The following SNPH variants were observed in gnomAD, a reference collection of about 807,000 sequenced individuals.
SNPH encodes the protein syntaphilin.
Under a neutral mutation model 36.8 loss-of-function variants are expected in SNPH, and 10 were observed. That is an observed-to-expected ratio of 0.27 (90% CI 0.17 to 0.46). SNPH has a LOEUF of 0.46. Among genes scored for constraint, SNPH ranks in the 20% least tolerant of loss-of-function variants. The pLI, the probability that SNPH is intolerant of heterozygous loss-of-function variation, is 1.00. For synonymous variants in SNPH, 281 were observed against 312.2 expected, an observed-to-expected ratio of 0.90 and a Z score of 1.05; for missense variants, 622 against 744.0, an observed-to-expected ratio of 0.84 and a Z score of 1.91.
At position 1,300,634 on chromosome 20, in the gene SNPH, C is replaced by T. The variant is rs752270989; in HGVS notation, c.363C>T (p.Thr121=). ...CCCCGACCCCGGAGCAGTACCTGAC[C>T]CCCCTGCAGCAGAAGGAGGTGTGCA... The part of the protein sequence containing the change: ...IKPPTPEQYL[T]PLQQKEVCIR... The change falls in exon 6 of 7, where the codon ACC becomes ACT. Residue 121 remains threonine, a synonymous_variant. Coordinates refer to ENST00000381867, the MANE Select transcript of SNPH (RefSeq NM_001318234.2). 1.1e-5 allele frequency: 18 copies of T among 1,613,444 alleles called. No individual in the cohort carries two copies. Among genetic ancestry groups the T allele is most frequent in the Admixed American group, 1.7e-5 (1 of 59,986 alleles).
chr20:1,300,462 A>G, intron 5 of SNPH, 100 bp from the exon 6 acceptor site: 1 of 1,312,902 alleles, frequency 7.6e-7, no homozygotes, highest in Non-Finnish European at 1.1e-6. Context: ...TCTGGTGGCC[A>G]GGGATGGTGA....
intron 2 of SNPH, among the ~76,000 whole-genome samples, chr20:1,278,201 AGTGTCTGTGTGT>A (rs1451822696): frequency 1.9e-5 from 2 of 106,336 alleles, no homozygotes; most frequent in Non-Finnish European, 4.1e-5. Flanking sequence ...TCTCTGTGTC[AGTGTCTGTGTGT>A]GTGTTTGTGT....
At chr20:1,297,899 C>T (rs927941420) in intron 5 of SNPH, among the ~76,000 whole-genome samples, 1 of 152,196 alleles carries the variant, frequency 6.6e-6, no homozygotes, top group Non-Finnish European at 1.5e-5. Context: ...CAGGGGAACA[C>T]TTTGAGAGTG....
chr20:1,303,983 A>T (rs1306046734), intron 6 of SNPH, among the ~76,000 whole-genome samples: 5 of 151,768 alleles, frequency 3.3e-5, no homozygotes, highest in Non-Finnish European at 5.9e-5. Context: ...CTCTGGTTTT[A>T]CCTCTAGACC....
At chr20:1,298,278 C>T (rs915012343) in intron 5 of SNPH, among the ~76,000 whole-genome samples, 2 of 152,190 alleles carry the variant, frequency 1.3e-5, no homozygotes, top group Non-Finnish European at 2.9e-5. Context: ...ACTGATACCT[C>T]CTGTTGTTAG....
rs1375991486 is a variant in SNPH, at chr20:1,276,090, T to C, written c.-493+9330T>C. Reference sequence around the variant, plus strand: ...CAGAGGATGGAGAGGACCTGACCCCTCCACACCCTCCTGTTCCCTGACTGC... The same window carrying C: ...CAGAGGATGGAGAGGACCTGACCCCCCCACACCCTCCTGTTCCCTGACTGC... On this transcript the variant is annotated intron_variant, in intron 2 of 6. Transcript: ENST00000381867. This position sits in a 1 kb window ranked among gnomAD's most constrained non-coding sequence, Gnocchi z 4.6. Among the ~76,000 whole-genome samples the C allele has an allele frequency of 6.6e-6, 1 of 152,126 alleles. No individual in the cohort carries two copies. The highest frequency in any genetic ancestry group is 6.5e-5 in the Admixed American group (1 of 15,280).
At chr20:1,270,933 A>G (rs2088065518) in intron 2 of SNPH, among the ~76,000 whole-genome samples, 1 of 152,218 alleles carries the variant, frequency 6.6e-6, no homozygotes, top group Non-Finnish European at 1.5e-5. Flanking sequence ...CCCAGGTGCC[A>G]GTTCTCCATT....
chr20:1,299,105 C>A (rs1413259865), intron 5 of SNPH, among the ~76,000 whole-genome samples: 1 of 151,998 alleles, frequency 6.6e-6, no homozygotes, highest in Non-Finnish European at 1.5e-5. Flanking sequence ...GGGGCCATGA[C>A]GTGAGTACAT....
In SNPH at chr20:1,266,912, C is replaced by T. The variant is rs556104974; in HGVS notation, c.-493+152C>T. 1.1e-3 allele frequency among the ~76,000 whole-genome samples: 164 copies of T among 152,280 alleles called. 1 individual carries two copies. The highest frequency in any genetic ancestry group is 3.8e-3 in the African/African-American group (159 of 41,564). The stretch of plus-strand genomic sequence containing the variant: ...CTCATTCTTACCCTCCCTTCATTCC[C>T]CTACATCCCTTTAAGCGCTTCCCTC... On this transcript the variant is annotated intron_variant, in intron 2 of 6. Transcript: ENST00000381867. This position sits in a 1 kb window ranked among gnomAD's most constrained non-coding sequence, Gnocchi z 6.0.
intron 2 of SNPH, among the ~76,000 whole-genome samples, chr20:1,293,582 G>A (rs2088390521): frequency 1.3e-5 from 2 of 152,150 alleles, no homozygotes; most frequent in Admixed American, 6.5e-5. Flanking sequence ...TGCACACTGA[G>A]TTTTCTGAGT....
intron 2 of SNPH, among the ~76,000 whole-genome samples, chr20:1,286,089 TAAAAA>T (rs11475556): frequency 5.0e-5 from 5 of 100,516 alleles, no homozygotes; most frequent in East Asian, 5.9e-4. Context: ...GACTCCATCT[TAAAAA>T]AAAAAAAAAA....
rs3795139 is a variant in SNPH, at chr20:1,305,289, G to C, written c.852G>C (p.Gly284=). Residue 284 remains glycine, a synonymous_variant, in exon 7 of 7, where the codon GGG becomes GGC. Coordinates refer to ENST00000381867, the MANE Select transcript of SNPH (RefSeq NM_001318234.2). ...GDPSSGSAED[G]ADSGFAAADD... ...CCTCCAGCGGCTCTGCTGAGGATGG[G>C]GCAGACAGTGGCTTTGCAGCAGCCG... 6.2e-7 allele frequency: 1 copy of C among 1,609,540 alleles called. No homozygotes were observed. The highest frequency in any genetic ancestry group is 1.1e-5 in the South Asian group (1 of 90,906).
In SNPH at chr20:1,266,664, A is replaced by T; in HGVS notation, c.-589A>T. On this transcript the variant is annotated 5_prime_UTR_variant, in exon 2 of 7. Coordinates refer to ENST00000381867, the MANE Select transcript of SNPH (RefSeq NM_001318234.2). This position sits in a 1 kb window ranked among gnomAD's most constrained non-coding sequence, Gnocchi z 6.0. ...TTCCTAACCCCGCAGGTCGCTGATCAGGGCCAGGCGGCTGCAGCAGCGACT... is the reference window on the plus strand; with the variant it reads ...TTCCTAACCCCGCAGGTCGCTGATCTGGGCCAGGCGGCTGCAGCAGCGACT... The T allele has an allele frequency of 1.3e-6, 2 of 1,487,148 alleles. No homozygotes were observed. The highest frequency in any genetic ancestry group is 1.8e-6 in the Non-Finnish European group (2 of 1,121,296). 92.1% of individuals were successfully genotyped at this position (1,487,148 alleles called of 1,614,324 possible).
At position 1,300,077 on chromosome 20, in the gene SNPH, A is replaced by C. The variant is rs538994126; in HGVS notation, c.291-485A>C. On this transcript the variant is annotated intron_variant, in intron 5 of 6. Transcript: ENST00000381867. ...TGCAGACCCAGCATCTGCCACTTACACCTCAGTTTCCAGCCTTCAAACTCA... is the reference window on the plus strand; with the variant it reads ...TGCAGACCCAGCATCTGCCACTTACCCCTCAGTTTCCAGCCTTCAAACTCA... Among the ~76,000 whole-genome samples the C allele has an allele frequency of 3.9e-5, 6 of 152,198 alleles. No homozygotes were observed. In the South Asian group the frequency reaches 1.2e-3, roughly 32 times the overall value.
chr20:1,297,090 G>A, intron 4 of SNPH, 55 bp from the exon 5 acceptor site: 1 of 1,558,774 alleles, frequency 6.4e-7, no homozygotes, highest in Non-Finnish European at 8.7e-7. Flanking sequence ...TTCGCCCAGT[G>A]TCCGCAGCTG....
rs999371757 is a variant in SNPH, at chr20:1,305,698, G to C, written c.1261G>C (p.Glu421Gln). ...AGTGGGTGATGAGCTAGAGGCCCCA[G>C]AGCCCATCACCCGTGGACCCACCCC... ...VTVGDELEAP[E>Q]PITRGPTPQR... is the part of the protein sequence containing the mutation. The change falls in exon 7 of 7, where the codon GAG becomes CAG. Residue 421 changes from glutamate (E) to glutamine (Q), a missense_variant. By Grantham distance (29) the Glu-to-Gln change is conservative. Around this residue, in one of 3 missense-constraint regions of SNPH, gnomAD observed 379 missense variants for 427.9 expected, o/e 0.89. Transcript: ENST00000381867. 6.2e-7 allele frequency: 1 copy of C among 1,610,626 alleles called. No individual in the cohort carries two copies. The highest frequency in any genetic ancestry group is 8.5e-7 in the Non-Finnish European group (1 of 1,178,454).
chr20:1,296,729 G>T (rs1027239372), intron 4 of SNPH, among the ~76,000 whole-genome samples: 10 of 152,284 alleles, frequency 6.6e-5, no homozygotes, highest in Non-Finnish European at 1.5e-4. Flanking sequence ...GACTCACTTG[G>T]TGTCCCTTGG....
chr20:1,297,087 A>AGT, intron 4 of SNPH, 58 bp from the exon 5 acceptor site: 1 of 1,552,158 alleles, frequency 6.4e-7, no homozygotes, highest in Non-Finnish European at 8.7e-7. Context: ...GTGTTCGCCC[A>AGT]GTGTCCGCAG....
In SNPH at chr20:1,304,809, T is replaced by G; in HGVS notation, c.441-69T>G. The G allele has an allele frequency of 6.8e-7, 1 of 1,481,096 alleles. No homozygotes were observed. The highest frequency in any genetic ancestry group is 1.4e-5 in the African/African-American group (1 of 72,708). The allele number at this position is 1,481,096 out of a possible 1,614,324, so 91.7% of individuals were successfully genotyped here. A position where few individuals can be genotyped will look rare whatever the true frequency, so the allele number is the denominator to read the frequency against. On this transcript the variant is annotated intron_variant, in intron 6 of 6. Coordinates refer to ENST00000381867, the MANE Select transcript of SNPH (RefSeq NM_001318234.2). This position sits in a 1 kb window ranked among gnomAD's most constrained non-coding sequence, Gnocchi z 4.3. ...ATCCTTGGCAACAGTGTCCTCTCCCTGCCTCTCCTTGGCGGTGACAGACCA... is the reference window on the plus strand; with the variant it reads ...ATCCTTGGCAACAGTGTCCTCTCCCGGCCTCTCCTTGGCGGTGACAGACCA...
Sources: allele counts gnomAD v4.1 joint callset (sites outside exome capture counted in the v4.1 genomes callset), GRCh38; gene constraint gnomAD v4.1.1; regional missense constraint gnomAD v4.1.1; non-coding constraint Gnocchi (gnomAD v3.1); transcripts MANE v1.5; gene names NCBI Gene and HGNC (gene_info 2026-07-23, HGNC 2026-07-21).